Variants in HMGA2 observed in about 807,000 individuals in gnomAD.
HMGA2 encodes high mobility group protein HMGI-C.
In HMGA2, 8 loss-of-function variants were observed where a neutral mutation model predicts 19.1. The ratio of observed to expected loss-of-function variants is 0.42; its 90% CI spans 0.25 to 0.76. The LOEUF (loss-of-function observed/expected upper bound fraction) is 0.76. HMGA2 is among the 30% of genes least tolerant of loss of function. The probability of loss-of-function intolerance (pLI) is 0.28; values close to 1 mark genes in which losing one functional copy is unlikely to be tolerated. For missense variants in HMGA2, 109 were observed against 136.3 expected (o/e 0.80, Z 1.00); for synonymous variants, 60 against 48.8 (o/e 1.23, Z -0.96).
At chr12:65,948,850 T>C (rs577201623) in intron 3 of HMGA2, among the ~76,000 whole-genome samples, 23 of 152,302 alleles carry the variant, frequency 1.5e-4, no homozygotes, top group Admixed American at 1.4e-3. Flanking sequence ...TGGCAGCTCT[T>C]TCAGAGGATT....
At chr12:65,880,002 T>C (rs1354954260) in intron 3 of HMGA2, among the ~76,000 whole-genome samples, 1 of 152,202 alleles carries the variant, frequency 6.6e-6, no homozygotes, top group African/African-American at 2.4e-5. Context: ...TGCTGTGCTG[T>C]CAAAGAAAAC....
chr12:65,923,182 TA>T (rs1215162799), intron 3 of HMGA2, among the ~76,000 whole-genome samples: 1 of 152,014 alleles, frequency 6.6e-6, no homozygotes, highest in African/African-American at 2.4e-5. Flanking sequence ...GTCCTCCTGC[TA>T]ATTTAGTTGG....
intron 3 of HMGA2, among the ~76,000 whole-genome samples, chr12:65,908,304 T>C (rs1204182018): frequency 6.6e-6 from 1 of 152,090 alleles, no homozygotes; most frequent in Non-Finnish European, 1.5e-5. Flanking sequence ...TTGGCATGAG[T>C]TGTTCTCCTT....
At chr12:65,945,360 C>T (rs79195596) in intron 3 of HMGA2, among the ~76,000 whole-genome samples, 5 of 152,218 alleles carry the variant, frequency 3.3e-5, no homozygotes, top group African/African-American at 1.2e-4. Flanking sequence ...GGGCCATGAA[C>T]AAGTATGTCG....
At chr12:65,940,631 A>G (rs1251361058) in intron 3 of HMGA2, among the ~76,000 whole-genome samples, 1 of 152,234 alleles carries the variant, frequency 6.6e-6, no homozygotes, top group South Asian at 2.1e-4. Context: ...AAAAATAAGA[A>G]GCACAGAATA....
intron 4 of HMGA2, chr12:65,954,789 T>C (rs976171410): frequency 5.3e-5 from 8 of 152,226 alleles, no homozygotes; most frequent in Non-Finnish European, 8.8e-5. Context: ...GGGGAAAATC[T>C]GTAATATGTA....
At chr12:65,924,215 T>C (rs1875424822) in intron 3 of HMGA2, among the ~76,000 whole-genome samples, 1 of 152,218 alleles carries the variant, frequency 6.6e-6, no homozygotes, top group East Asian at 1.9e-4. Context: ...TGAAGCCCAG[T>C]TAAAATGAAC....
chr12:65,963,183 G>T (rs1274404557), intron 4 of HMGA2, 62 bp from the exon 5 acceptor site: 18 of 1,521,940 alleles, frequency 1.2e-5, no homozygotes, highest in Admixed American at 1.7e-5. Context: ...TGCACTGTTG[G>T]CAAGAGCAGC....
At chr12:65,842,667 G>A in intron 3 of HMGA2, 17 of 1,531,014 alleles carry the variant, frequency 1.1e-5, no homozygotes, top group Non-Finnish European at 1.4e-5. Context: ...TCATCAGTTT[G>A]AAAAGAAGTA....
At chr12:65,915,807 G>T (rs1416320718) in intron 3 of HMGA2, among the ~76,000 whole-genome samples, 1 of 152,184 alleles carries the variant, frequency 6.6e-6, no homozygotes, top group African/African-American at 2.4e-5. Context: ...TGCTTAAAAT[G>T]TCCACATTCT....
rs1705 is a variant in HMGA2 at position 65,964,104 on chromosome 12, A to T, written c.*812A>T. ...CTACTTCCTACAGAGCCAAAATGCC[A>T]TTTAGCAATAAATAACACTTGTCAG... On this transcript the variant is annotated 3_prime_UTR_variant, in exon 5 of 5. Transcript: ENST00000403681. 4.9e-6 allele frequency: 1 copy of T among 204,396 alleles called. No homozygotes were observed. The highest frequency in any genetic ancestry group is 1.0e-5 in the Non-Finnish European group (1 of 99,952). The allele number at this position is 204,396 out of a possible 1,614,324, so 12.7% of individuals were successfully genotyped here. A position where few individuals can be genotyped will look rare whatever the true frequency, so the allele number is the denominator to read the frequency against.
chr12:65,939,798 C>G (rs930850968), intron 3 of HMGA2, among the ~76,000 whole-genome samples: 20 of 152,152 alleles, frequency 1.3e-4, no homozygotes, highest in African/African-American at 4.6e-4. Context: ...AGAGACCATA[C>G]TGGACAAGGG....
In HMGA2 at chr12:65,966,135, A is replaced by G. The variant is rs1426009737; in HGVS notation, c.*2843A>G. Reference sequence around the variant, plus strand: ...ATGTAGAATTGCTGTCTATGATTGTACTTTGAATCGCTTGCTTGTTGAAAA... The same window carrying G: ...ATGTAGAATTGCTGTCTATGATTGTGCTTTGAATCGCTTGCTTGTTGAAAA... On this transcript the variant is annotated 3_prime_UTR_variant, in exon 5 of 5. Coordinates refer to ENST00000403681, the MANE Select transcript of HMGA2 (RefSeq NM_003483.6). 1 of 210,182 alleles carries G rather than the reference A, an allele frequency of 4.8e-6. No homozygotes were observed. The highest frequency in any genetic ancestry group is 9.7e-6 in the Non-Finnish European group (1 of 103,200). 13.0% of individuals were successfully genotyped at this position (210,182 alleles called of 1,614,324 possible).
intron 3 of HMGA2, among the ~76,000 whole-genome samples, chr12:65,875,579 G>A (rs932657738): frequency 8.9e-5 from 6 of 67,224 alleles, no homozygotes; most frequent in Admixed American, 4.4e-4. Flanking sequence ...ATATGCCACC[G>A]TGCCCGGCTA....
At chr12:65,843,700 GCA>G (rs377368108) in intron 3 of HMGA2, among the ~76,000 whole-genome samples, 12 of 139,072 alleles carry the variant, frequency 8.6e-5, no homozygotes, top group African/African-American at 1.4e-4. Flanking sequence ...ACACACACAA[GCA>G]CACACACACA....
At chr12:65,949,574 A>C (rs1481488941) in intron 3 of HMGA2, among the ~76,000 whole-genome samples, 1 of 152,224 alleles carries the variant, frequency 6.6e-6, no homozygotes, top group South Asian at 2.1e-4. Context: ...TAATCCATCG[A>C]AAAGCTCAGG....
intron 3 of HMGA2, among the ~76,000 whole-genome samples, chr12:65,919,268 G>A (rs1441605561): frequency 6.6e-6 from 1 of 152,142 alleles, no homozygotes; most frequent in African/African-American, 2.4e-5. Context: ...TGGCATTTTG[G>A]TGTACTTGTT....
At chr12:65,952,649 A>G in intron 4 of HMGA2, 2 of 494,656 alleles carry the variant, frequency 4.0e-6, no homozygotes, top group Non-Finnish European at 6.3e-6. Flanking sequence ...ACATATAAAC[A>G]AAAACTTGAC....
intron 3 of HMGA2, among the ~76,000 whole-genome samples, chr12:65,838,781 C>T (rs1870852784): frequency 6.6e-6 from 1 of 151,982 alleles, no homozygotes. Context: ...TGAAGGTGGA[C>T]TCATTTTTCT....
Sources: allele counts gnomAD v4.1 joint callset (sites outside exome capture counted in the v4.1 genomes callset), GRCh38; gene constraint gnomAD v4.1.1; transcripts MANE v1.5; gene names NCBI Gene and HGNC (gene_info 2026-07-23, HGNC 2026-07-21).